Variants in GJC2 observed in about 807,000 individuals in gnomAD.
The protein encoded by GJC2 is gap junction protein gamma 2.
For missense variants in GJC2, 647 were observed against 648.9 expected (o/e 1.00, Z 0.03); for synonymous variants, 336 against 307.5 (o/e 1.09, Z -0.97).
rs2034673263 is a variant in GJC2 at position 228,155,970 on chromosome 1, T to C, written c.-19-1770T>C. 1.3e-5 allele frequency among the ~76,000 whole-genome samples: 2 copies of C among 152,174 alleles called. 1 individual carries two copies. Among genetic ancestry groups the C allele is most frequent in the South Asian group, 4.1e-4 (2 of 4,834 alleles). Reference sequence around the variant, plus strand: ...GGCACTGAAGGCCTCCTGCCCCATCTCTCCCTTGAGCCTGCTCTGTCTCAG... The same window carrying C: ...GGCACTGAAGGCCTCCTGCCCCATCCCTCCCTTGAGCCTGCTCTGTCTCAG... On this transcript the variant is annotated intron_variant, in intron 1 of 1. Coordinates refer to ENST00000366714, the MANE Select transcript of GJC2 (RefSeq NM_020435.4).
Position 228,158,842 on chromosome 1 carries a change from G to A in GJC2, c.1084G>A (p.Ala362Thr), listed in dbSNP as rs565574386. ...GGCCCTGCAGGCGCTGCGCGACGGGGCAGCGGCTGGGGACCGCGACCGGGA... is the reference window on the plus strand; with the variant it reads ...GGCCCTGCAGGCGCTGCGCGACGGGACAGCGGCTGGGGACCGCGACCGGGA... ...NLALQALRDG[A>T]AAGDRDRDSS... Residue 362 changes from alanine to threonine, a missense_variant, in exon 2 of 2, where the codon GCA becomes ACA. Transcript: ENST00000366714. The surrounding 1 kb of genome is among the most constrained non-coding windows in gnomAD (Gnocchi z 8.3). 1.0e-4 allele frequency: 152 copies of A among 1,470,400 alleles called. 2 individuals are homozygous for A. In the South Asian group the frequency reaches 1.8e-3, roughly 17 times the overall value. The allele number at this position is 1,470,400 out of a possible 1,614,324, so 91.1% of individuals were successfully genotyped here. A position where few individuals can be genotyped will look rare whatever the true frequency, so the allele number is the denominator to read the frequency against.
chr1:228,153,324 G>T (rs867278462), intron 1 of GJC2, among the ~76,000 whole-genome samples: 6 of 151,402 alleles, frequency 4.0e-5, no homozygotes, highest in African/African-American at 1.2e-4. Flanking sequence ...AGATCAAGGA[G>T]ACGATGGTGA....
chr1:228,159,426 A>C lies in GJC2; in HGVS notation c.*348A>C. On this transcript the variant is annotated 3_prime_UTR_variant, in exon 2 of 2. Coordinates refer to ENST00000366714, the MANE Select transcript of GJC2 (RefSeq NM_020435.4). This position sits in a 1 kb window ranked among gnomAD's most constrained non-coding sequence, Gnocchi z 4.0. ...CCTTTGTGCTTCCCTGCAGCAACCC[A>C]TGGAGGGCCCAGGGTGCCTGGTATG... The C allele has an allele frequency of 1.1e-5, 3 of 272,596 alleles. No homozygotes were observed. The highest frequency in any genetic ancestry group is 8.8e-5 in the East Asian group (1 of 11,424). The allele number at this position is 272,596 out of a possible 1,614,324, so 16.9% of individuals were successfully genotyped here. A position where few individuals can be genotyped will look rare whatever the true frequency, so the allele number is the denominator to read the frequency against.
rs767576707 is a variant in GJC2 at position 228,152,442 on chromosome 1, C to T, written c.-20+2435C>T. On this transcript the variant is annotated intron_variant, in intron 1 of 1. Transcript: ENST00000366714. The surrounding 1 kb of genome is among the most constrained non-coding windows in gnomAD (Gnocchi z 7.3). ...CAGGAGCTTGATGGGGGAGGGGGCC[C>T]GGCTCTGACCGGTGTCCTGAGATAC... 1.5e-4 allele frequency among the ~76,000 whole-genome samples: 23 copies of T among 152,020 alleles called. No homozygotes were observed. The highest frequency in any genetic ancestry group is 2.2e-4 in the African/African-American group (9 of 41,392).
At chr1:228,153,489 C>G (rs1167779045) in intron 1 of GJC2, among the ~76,000 whole-genome samples, 2 of 151,406 alleles carry the variant, frequency 1.3e-5, no homozygotes, top group Admixed American at 6.6e-5. Flanking sequence ...GGGGTTCAAG[C>G]GATTCTCCCA....
In GJC2 at chr1:228,158,223, G is replaced by A; in HGVS notation, c.465G>A (p.Glu155=). Reference sequence around the variant, plus strand: ...TGCTGGGCCTGGGCGAGGAGGAGGAGGAGGAGGAGACGGGGGCAGCCGAGG... The same window carrying A: ...TGCTGGGCCTGGGCGAGGAGGAGGAAGAGGAGGAGACGGGGGCAGCCGAGG... ...EPMLGLGEEE[E]EEETGAAEGA... The change falls in exon 2 of 2, where the codon GAG becomes GAA. Residue 155 remains glutamate, a synonymous_variant. Transcript: ENST00000366714. The surrounding 1 kb of genome is among the most constrained non-coding windows in gnomAD (Gnocchi z 8.3). 1 of 1,501,630 alleles carries A rather than the reference G, an allele frequency of 6.7e-7. No homozygotes were observed. Among genetic ancestry groups the A allele is most frequent in the South Asian group, 1.3e-5 (1 of 78,682 alleles). The allele number at this position is 1,501,630 out of a possible 1,614,324, so 93.0% of individuals were successfully genotyped here.
Position 228,151,707 on chromosome 1 carries a change from G to T in GJC2, c.-20+1700G>T, listed in dbSNP as rs60628313. ...ACTGCTGCACAGGCAGGACAGTGAGGCCGGCCACAGAGCTGCTGGGGCAGA... is the reference window on the plus strand; with the variant it reads ...ACTGCTGCACAGGCAGGACAGTGAGTCCGGCCACAGAGCTGCTGGGGCAGA... On this transcript the variant is annotated intron_variant, in intron 1 of 1. Coordinates refer to ENST00000366714, the MANE Select transcript of GJC2 (RefSeq NM_020435.4). The surrounding 1 kb of genome is among the most constrained non-coding windows in gnomAD (Gnocchi z 5.4). 6.9e-3 allele frequency among the ~76,000 whole-genome samples: 1,043 copies of T among 152,260 alleles called. 9 individuals are homozygous for T. The highest frequency in any genetic ancestry group is 0.024 in the African/African-American group (994 of 41,554).
chr1:228,158,840 G>A lies in GJC2; in HGVS notation c.1082G>A (p.Gly361Glu), dbSNP rs1372028650. The change falls in exon 2 of 2, where the codon GGG (glycine) becomes GAG (glutamate). Residue 361 changes from glycine (G) to glutamate (E), a missense_variant. Gly to Glu is a moderately conservative substitution (Grantham distance 98). Coordinates refer to ENST00000366714, the MANE Select transcript of GJC2 (RefSeq NM_020435.4). The surrounding 1 kb of genome is among the most constrained non-coding windows in gnomAD (Gnocchi z 8.3). ...ANLALQALRD[G>E]AAAGDRDRDS... ...CTGGCCCTGCAGGCGCTGCGCGACG[G>A]GGCAGCGGCTGGGGACCGCGACCGG... 1.4e-6 allele frequency: 2 copies of A among 1,469,624 alleles called. No homozygotes were observed. Among genetic ancestry groups the A allele is most frequent in the Non-Finnish European group, 1.8e-6 (2 of 1,115,632 alleles). 91.0% of individuals were successfully genotyped at this position (1,469,624 alleles called of 1,614,324 possible).
At position 228,157,740 on chromosome 1, in the gene GJC2, G is replaced by GGGCCC; in HGVS notation, c.-19_-18insGGCCC. The GGGCCC allele has an allele frequency of 3.0e-6, 2 of 662,262 alleles. No individual in the cohort carries two copies. Among genetic ancestry groups the GGGCCC allele is most frequent in the Non-Finnish European group, 5.3e-6 (2 of 378,506 alleles). 41.0% of individuals were successfully genotyped at this position (662,262 alleles called of 1,614,324 possible). On this transcript the variant is annotated splice_region_variant and 5_prime_UTR_variant, in exon 2 of 2. Coordinates refer to ENST00000366714, the MANE Select transcript of GJC2 (RefSeq NM_020435.4). ...GGCTGACCCCTACCCCGCCCCACAGGACCCGCCCGCCCGCCCCTATGACCA... is the reference window on the plus strand; with the variant it reads ...GGCTGACCCCTACCCCGCCCCACAGGGGCCCACCCGCCCGCCCGCCCCTATGACCA...
At chr1:228,155,896 A>G (rs959422102) in intron 1 of GJC2, among the ~76,000 whole-genome samples, 4 of 152,238 alleles carry the variant, frequency 2.6e-5, no homozygotes, top group Non-Finnish European at 5.9e-5. Flanking sequence ...CTGCCCCCAG[A>G]GAGCCATTTG....
intron 1 of GJC2, among the ~76,000 whole-genome samples, chr1:228,153,991 A>G (rs1485905471): frequency 6.6e-5 from 10 of 152,134 alleles, no homozygotes; most frequent in Non-Finnish European, 1.3e-4. Flanking sequence ...GAGCTCAGTA[A>G]GATTTACAGA....
Position 228,159,272 on chromosome 1 carries a change from A to G in GJC2, c.*194A>G. The G allele has an allele frequency of 3.1e-6, 2 of 650,402 alleles. No individual in the cohort carries two copies. The highest frequency in any genetic ancestry group is 5.3e-6 in the Non-Finnish European group (2 of 374,362). 40.3% of individuals were successfully genotyped at this position (650,402 alleles called of 1,614,324 possible). ...CCCTGGCTTGGTCACCACTGGGGCC[A>G]AGGTGGGGTGGAGAGAGGCCTAGGA... On this transcript the variant is annotated 3_prime_UTR_variant, in exon 2 of 2. Transcript: ENST00000366714. The surrounding 1 kb of genome is among the most constrained non-coding windows in gnomAD (Gnocchi z 4.0).
Position 228,157,738 on chromosome 1 carries a change from A to AGGGGG in GJC2, c.-19_-18insGGGGG. On this transcript the variant is annotated splice_acceptor_variant, in intron 1 of 1. Transcript: ENST00000366714. LOFTEE classifies it low-confidence loss of function (5UTR_SPLICE). ...CTGGCTGACCCCTACCCCGCCCCAC[A>AGGGGG]GGACCCGCCCGCCCGCCCCTATGAC... The AGGGGG allele has an allele frequency of 2.1e-5, 14 of 660,914 alleles. No individual in the cohort carries two copies. Among genetic ancestry groups the AGGGGG allele is most frequent in the East Asian group, 6.0e-5 (2 of 33,340 alleles). 40.9% of individuals were successfully genotyped at this position (660,914 alleles called of 1,614,324 possible).
At position 228,158,945 on chromosome 1, in the gene GJC2, G is replaced by T; in HGVS notation, c.1187G>T (p.Ser396Ile). The change falls in exon 2 of 2, where the codon AGT becomes ATT. Residue 396 changes from serine to isoleucine, a missense_variant. Transcript: ENST00000366714. The surrounding 1 kb of genome is among the most constrained non-coding windows in gnomAD (Gnocchi z 8.3). ...GGCGCCCCCGCGTCCCGGACGGGCA[G>T]TGCTACCTCTGCGGGCACTGTCGGG... ...RAGAPASRTGSATSAGTVGEQ... is the reference protein window; with the variant it reads ...RAGAPASRTGIATSAGTVGEQ... 1 of 1,566,746 alleles carries T rather than the reference G, an allele frequency of 6.4e-7. No homozygotes were observed. The highest frequency in any genetic ancestry group is 8.6e-7 in the Non-Finnish European group (1 of 1,159,158).
intron 1 of GJC2, among the ~76,000 whole-genome samples, chr1:228,156,225 TGTGCATATGCACAAGTGTGTATGTGC>T (rs1055674429): frequency 6.6e-6 from 1 of 152,242 alleles, no homozygotes; most frequent in Non-Finnish European, 1.5e-5. Flanking sequence ...TGTGCATGTG[TGTGCATATGCACAAGTGTGTATGTGC>T]CACTGTTTTC....
rs2034620702 is a variant in GJC2 at position 228,151,871 on chromosome 1, C to T, written c.-20+1864C>T. Among the ~76,000 whole-genome samples, 1 of 152,074 alleles carries T rather than the reference C, an allele frequency of 6.6e-6. No individual in the cohort carries two copies. Among genetic ancestry groups the T allele is most frequent in the Non-Finnish European group, 1.5e-5 (1 of 67,996 alleles). On this transcript the variant is annotated intron_variant, in intron 1 of 1. Transcript: ENST00000366714. This position sits in a 1 kb window ranked among gnomAD's most constrained non-coding sequence, Gnocchi z 5.4. ...CTGACCGTCCCAGGGCCTGGGCTGT[C>T]CAGGACAGGCAGCTGGGGGCTCAGG... is the stretch of plus-strand genomic sequence containing the variant.
At position 228,158,237 on chromosome 1, in the gene GJC2, G is replaced by A. The variant is rs1344879825; in HGVS notation, c.479G>A (p.Gly160Glu). 6.2e-5 allele frequency: 93 copies of A among 1,507,232 alleles called. No homozygotes were observed. Among genetic ancestry groups the A allele is most frequent in the Non-Finnish European group, 8.1e-5 (92 of 1,131,716 alleles). The allele number at this position is 1,507,232 out of a possible 1,614,324, so 93.4% of individuals were successfully genotyped here. A position where few individuals can be genotyped will look rare whatever the true frequency, so the allele number is the denominator to read the frequency against. ...LGEEEEEEETGAAEGAGEEAE... is the reference protein window; with the variant it reads ...LGEEEEEEETEAAEGAGEEAE... ...GAGGAGGAGGAGGAGGAGGAGACGG[G>A]GGCAGCCGAGGGCGCCGGCGAGGAA... The change falls in exon 2 of 2, where the codon GGG becomes GAG. Residue 160 changes from glycine (G) to glutamate (E), a missense_variant. Physicochemically the swap from Gly to Glu is moderately conservative, Grantham distance 98. Transcript: ENST00000366714. This position sits in a 1 kb window ranked among gnomAD's most constrained non-coding sequence, Gnocchi z 8.3.
At chr1:228,155,056 G>A (rs551865342) in intron 1 of GJC2, among the ~76,000 whole-genome samples, 4 of 152,306 alleles carry the variant, frequency 2.6e-5, no homozygotes, top group South Asian at 4.1e-4. Context: ...CTATGAAACC[G>A]CCCACGTCTC....
At chr1:228,153,519 T>C (rs1199279815) in intron 1 of GJC2, among the ~76,000 whole-genome samples, 1 of 151,344 alleles carries the variant, frequency 6.6e-6, no homozygotes, top group Non-Finnish European at 1.5e-5. Context: ...CCCGAGTAGC[T>C]AGAAGTACAA....
Sources: allele counts gnomAD v4.1 joint callset (sites outside exome capture counted in the v4.1 genomes callset), GRCh38; gene constraint gnomAD v4.1.1; non-coding constraint Gnocchi (gnomAD v3.1); transcripts MANE v1.5; gene names NCBI Gene and HGNC (gene_info 2026-07-23, HGNC 2026-07-21).